Variants in ROBO2 observed in about 807,000 individuals in gnomAD.
ROBO2 encodes roundabout homolog 2.
ROBO2 carries 53 observed loss-of-function variants against 160.8 expected under a neutral mutation model. That is an observed-to-expected ratio of 0.33 (90% CI 0.26 to 0.41). ROBO2 has a LOEUF of 0.41. Among genes scored for constraint, ROBO2 ranks in the 10% least tolerant of loss-of-function variants. ROBO2 has a pLI of 1.00. For missense variants in ROBO2, 1,577 were observed against 1,722.4 expected (o/e 0.92, Z 1.49); for synonymous variants, 664 against 611.7 (o/e 1.09, Z -1.26).
chr3:76,691,187 T>G (rs1399337322), intron 2 of ROBO2, among the ~76,000 whole-genome samples: 1 of 152,094 alleles, frequency 6.6e-6, no homozygotes, highest in Non-Finnish European at 1.5e-5. Context: ...GGGAATGGGC[T>G]CCTAACAAAG....
intron 2 of ROBO2, among the ~76,000 whole-genome samples, chr3:77,142,233 T>C (rs1333308892): frequency 6.6e-6 from 1 of 152,220 alleles, no homozygotes; most frequent in Non-Finnish European, 1.5e-5. Context: ...AATCCATTTA[T>C]CAAGGTAACT....
intron 2 of ROBO2, among the ~76,000 whole-genome samples, chr3:76,011,009 T>G (rs1384848434): frequency 6.6e-6 from 1 of 152,222 alleles, no homozygotes; most frequent in African/African-American, 2.4e-5. Context: ...ACCAGATAGC[T>G]TAACTTCAAA....
chr3:77,466,253 A>G (rs1177729043), intron 2 of ROBO2, among the ~76,000 whole-genome samples: 1 of 152,210 alleles, frequency 6.6e-6, no homozygotes, highest in Admixed American at 6.5e-5. Context: ...TAATTCAGCA[A>G]AATTCATGAT....
At chr3:76,510,020 A>G (rs148818363) in intron 2 of ROBO2, among the ~76,000 whole-genome samples, 63 of 152,232 alleles carry the variant, frequency 4.1e-4, no homozygotes, top group African/African-American at 1.5e-3. Context: ...TTTTCTGCAC[A>G]TGCCCAGATT....
chr3:76,558,623 G>C (rs565627159), intron 2 of ROBO2, among the ~76,000 whole-genome samples: 15 of 151,882 alleles, frequency 9.9e-5, no homozygotes, highest in African/African-American at 3.4e-4. Flanking sequence ...TTTTCCTCAG[G>C]GTTTTTTTAG....
At chr3:76,618,649 G>A (rs2088792919) in intron 2 of ROBO2, among the ~76,000 whole-genome samples, 1 of 151,468 alleles carries the variant, frequency 6.6e-6, no homozygotes, top group African/African-American at 2.4e-5. Flanking sequence ...TCTCATATGT[G>A]TATTCTTTTA....
At chr3:76,555,026 T>C (rs1218474474) in intron 2 of ROBO2, among the ~76,000 whole-genome samples, 1 of 152,036 alleles carries the variant, frequency 6.6e-6, no homozygotes, top group African/African-American at 2.4e-5. Flanking sequence ...AAAAGAACTA[T>C]ATTTAAAAGT....
intron 2 of ROBO2, among the ~76,000 whole-genome samples, chr3:76,559,583 C>T (rs1030461687): frequency 4.6e-5 from 7 of 152,036 alleles, no homozygotes; most frequent in African/African-American, 1.4e-4. Context: ...TATACTCTTC[C>T]CAAGTCTTTG....
chr3:77,425,917 C>G (rs140138600), intron 2 of ROBO2, among the ~76,000 whole-genome samples: 2,014 of 152,146 alleles, frequency 0.013, 46 homozygotes, highest in African/African-American at 0.044. Flanking sequence ...CCTGCCTCAG[C>G]CTCCCAAAGT....
chr3:76,779,802 A>G (rs1241385310), intron 2 of ROBO2, among the ~76,000 whole-genome samples: 2 of 150,952 alleles, frequency 1.3e-5, no homozygotes, highest in Non-Finnish European at 3.0e-5. Context: ...TCATCTATCA[A>G]TGGACATTTA....
At chr3:76,653,021 A>T (rs1453665604) in intron 2 of ROBO2, among the ~76,000 whole-genome samples, 1 of 152,078 alleles carries the variant, frequency 6.6e-6, no homozygotes, top group East Asian at 1.9e-4. Flanking sequence ...TGAGAGAGTT[A>T]ATTTCATTAT....
chr3:77,390,854 G>A (rs1250679908), intron 2 of ROBO2, among the ~76,000 whole-genome samples: 2 of 152,082 alleles, frequency 1.3e-5, no homozygotes, highest in African/African-American at 2.4e-5. Flanking sequence ...GCCCTGCTGA[G>A]TTCCCAACAT....
At position 76,996,398 on chromosome 3, in the gene ROBO2, T is replaced by G. The variant is rs185354862; in HGVS notation, c.110-101616T>G. Among the ~76,000 whole-genome samples the G allele has an allele frequency of 3.1e-3, 470 of 152,326 alleles. 4 individuals are homozygous for G. Among genetic ancestry groups the G allele is most frequent in the Non-Finnish European group, 2.8e-3 (189 of 68,030 alleles). ...AGTCAGGTAGCTTGATGCCTCCAGCTTTGTTCTTTTGGCTTAGGACTGACT... is the reference window on the plus strand; with the variant it reads ...AGTCAGGTAGCTTGATGCCTCCAGCGTTGTTCTTTTGGCTTAGGACTGACT... On this transcript the variant is annotated intron_variant, in intron 2 of 26. Transcript: ENST00000487694.
chr3:76,021,793 G>A (rs775736343), intron 2 of ROBO2, among the ~76,000 whole-genome samples: 2 of 151,768 alleles, frequency 1.3e-5, no homozygotes, highest in Non-Finnish European at 2.9e-5. Flanking sequence ...TGGTCCCAAT[G>A]TTGATGGCAG....
intron 2 of ROBO2, among the ~76,000 whole-genome samples, chr3:77,102,123 TC>T (rs1358076355): frequency 2.0e-5 from 3 of 152,178 alleles, no homozygotes; most frequent in African/African-American, 7.2e-5. Flanking sequence ...ACCTGTGGGC[TC>T]CAGTGATGGG....
At chr3:76,494,790 AC>A (rs1316181107) in intron 2 of ROBO2, among the ~76,000 whole-genome samples, 3 of 152,212 alleles carry the variant, frequency 2.0e-5, no homozygotes, top group Non-Finnish European at 4.4e-5. Context: ...AATAAGCCAG[AC>A]AAAAAAGGAC....
exon 1 of ROBO2, chr3:77,040,751 T>C: frequency 6.2e-7 from 1 of 1,614,082 alleles, no homozygotes; most frequent in South Asian, 1.1e-5. Context: ...GGGATTGGTT[T>C]CTTAAAGAAT....
chr3:76,119,751 CTG>C (rs1465548426), intron 2 of ROBO2, among the ~76,000 whole-genome samples: 1 of 152,076 alleles, frequency 6.6e-6, no homozygotes, highest in Non-Finnish European at 1.5e-5. Context: ...CACATACACT[CTG>C]AGAATCTTGA....
At chr3:77,117,461 G>T (rs2074322063) in intron 2 of ROBO2, among the ~76,000 whole-genome samples, 1 of 152,106 alleles carries the variant, frequency 6.6e-6, no homozygotes, top group South Asian at 2.1e-4. Context: ...ACCCAAGGGA[G>T]TTCTAGTAAT....
Sources: allele counts gnomAD v4.1 joint callset (sites outside exome capture counted in the v4.1 genomes callset), GRCh38; gene constraint gnomAD v4.1.1; transcripts MANE v1.5; gene names NCBI Gene and HGNC (gene_info 2026-07-23, HGNC 2026-07-21).